The following DKK2 variants were observed in gnomAD, a reference collection of about 807,000 sequenced individuals.
DKK2 encodes the protein dickkopf Wnt signaling pathway inhibitor 2.
DKK2 carries 11 observed loss-of-function variants against 28.1 expected under a neutral mutation model. The observed-to-expected ratio is 0.39, with a 90% CI of 0.25 to 0.65. The LOEUF is 0.65. Ranked by LOEUF, DKK2 falls within the 30% of genes least tolerant of loss-of-function variation. DKK2 has a pLI of 0.47. For missense variants in DKK2, 326 were observed against 335.5 expected (o/e 0.97, Z 0.22); for synonymous variants, 135 against 126.5 (o/e 1.07, Z -0.45).
chr4:106,955,812 C>A (rs867336655), intron 1 of DKK2, among the ~76,000 whole-genome samples: 7 of 152,116 alleles, frequency 4.6e-5, no homozygotes, highest in Admixed American at 6.5e-5. Context: ...TAAGTTATGA[C>A]ATAGTCCAGT....
intron 1 of DKK2, among the ~76,000 whole-genome samples, chr4:106,948,170 CAG>C: frequency 6.6e-6 from 1 of 152,036 alleles, no homozygotes; most frequent in East Asian, 1.9e-4. Flanking sequence ...GAGCTAGAAA[CAG>C]AACCCAGTTT....
chr4:106,963,248 G>A (rs924149352), intron 1 of DKK2, among the ~76,000 whole-genome samples: 13 of 151,796 alleles, frequency 8.6e-5, no homozygotes, highest in Non-Finnish European at 1.5e-5. Context: ...AGCTACTTGG[G>A]AGTCTGAGGC....
intron 1 of DKK2, among the ~76,000 whole-genome samples, chr4:106,939,298 A>G (rs1329388477): frequency 1.3e-5 from 2 of 152,212 alleles, no homozygotes; most frequent in Non-Finnish European, 2.9e-5. Context: ...AAAAATCACA[A>G]GCATTCTTAT....
intron 1 of DKK2, among the ~76,000 whole-genome samples, chr4:106,948,808 A>G (rs912527590): frequency 6.6e-6 from 1 of 152,152 alleles, no homozygotes; most frequent in Admixed American, 6.6e-5. Flanking sequence ...TTCTTTTGGT[A>G]TTATTTGAAG....
chr4:106,938,648 G>A (rs995085679), intron 1 of DKK2, among the ~76,000 whole-genome samples: 1 of 152,064 alleles, frequency 6.6e-6, no homozygotes, highest in Non-Finnish European at 1.5e-5. Flanking sequence ...GCCAGGCAGA[G>A]ACACAACAAA....
At chr4:107,020,170 G>T (rs970770394) in intron 1 of DKK2, among the ~76,000 whole-genome samples, 1 of 152,020 alleles carries the variant, frequency 6.6e-6, no homozygotes, top group African/African-American at 2.4e-5. Context: ...AAAATTCACA[G>T]TACACACTTC....
intron 1 of DKK2, among the ~76,000 whole-genome samples, chr4:106,953,914 C>T (rs535252095): frequency 6.6e-6 from 1 of 152,296 alleles, no homozygotes; most frequent in Admixed American, 6.5e-5. Context: ...AAAAGTCCTG[C>T]TGTGCAATGT....
chr4:106,961,455 T>C (rs570537358), intron 1 of DKK2, among the ~76,000 whole-genome samples: 1 of 152,178 alleles, frequency 6.6e-6, no homozygotes, highest in African/African-American at 2.4e-5. Flanking sequence ...ACCTTGACAT[T>C]TTCATAAGTG....
At chr4:106,983,874 T>C (rs1327882628) in intron 1 of DKK2, among the ~76,000 whole-genome samples, 1 of 152,176 alleles carries the variant, frequency 6.6e-6, no homozygotes, top group Non-Finnish European at 1.5e-5. Flanking sequence ...ACCTTATTAG[T>C]TATTAGGGAA....
Position 107,011,690 on chromosome 4 carries a change from A to AGTGTGT in DKK2, c.222+23674_222+23679dup, listed in dbSNP as rs112855833. 1.6e-3 allele frequency among the ~76,000 whole-genome samples: 228 copies of AGTGTGT among 146,894 alleles called. 1 individual carries two copies. The highest frequency in any genetic ancestry group is 6.9e-3 in the Middle Eastern group (2 of 290). On this transcript the variant is annotated intron_variant, in intron 1 of 3. Transcript: ENST00000285311. ...GGAAATTAGCATATATCTTTGTCTG[A>AGTGTGT]GTGTGTGTGTGTGTGTGTGTGTGGG...
At chr4:106,977,228 C>A (rs1722958701) in intron 1 of DKK2, among the ~76,000 whole-genome samples, 1 of 152,130 alleles carries the variant, frequency 6.6e-6, no homozygotes, top group Non-Finnish European at 1.5e-5. Context: ...TGGGGTTGCT[C>A]TTCTCGAGTA....
intron 1 of DKK2, among the ~76,000 whole-genome samples, chr4:107,018,859 C>T (rs971366474): frequency 6.6e-6 from 1 of 152,052 alleles, no homozygotes; most frequent in African/African-American, 2.4e-5. Context: ...TATAAACTAA[C>T]ACTCTTGCAA....
chr4:107,011,651 T>C (rs1723519185), intron 1 of DKK2, among the ~76,000 whole-genome samples: 1 of 151,364 alleles, frequency 6.6e-6, no homozygotes, highest in African/African-American at 2.4e-5. Flanking sequence ...TGCTTCATCA[T>C]GGACATTCCT....
At chr4:106,966,376 T>C (rs188168241) in intron 1 of DKK2, among the ~76,000 whole-genome samples, 1 of 152,328 alleles carries the variant, frequency 6.6e-6, no homozygotes, top group Admixed American at 6.5e-5. Context: ...TGTAATTCAT[T>C]GATTCTTATA....
chr4:106,924,870 C>A (rs920851227), intron 2 of DKK2, among the ~76,000 whole-genome samples, 170 bp from the exon 3 acceptor site: 1 of 151,958 alleles, frequency 6.6e-6, no homozygotes, highest in African/African-American at 2.4e-5. Context: ...ATACTTTGGC[C>A]CTAAAGTGAA....
intron 1 of DKK2, among the ~76,000 whole-genome samples, chr4:106,938,721 T>C (rs1027925838): frequency 2.0e-5 from 3 of 152,164 alleles, no homozygotes; most frequent in Admixed American, 6.6e-5. Context: ...AACAAAATAC[T>C]GGCAAAACGA....
intron 1 of DKK2, among the ~76,000 whole-genome samples, chr4:106,983,274 G>A (rs1388876035): frequency 2.8e-5 from 4 of 142,506 alleles, no homozygotes; most frequent in African/African-American, 1.1e-4. Context: ...TAATATTACA[G>A]AGAGAAAGAG....
intron 1 of DKK2, among the ~76,000 whole-genome samples, chr4:107,019,783 C>T (rs1723664833): frequency 6.6e-6 from 1 of 151,990 alleles, no homozygotes; most frequent in Non-Finnish European, 1.5e-5. Flanking sequence ...ATATCACTCC[C>T]TCAATACCTT....
chr4:106,941,169 C>T (rs1402303553), intron 1 of DKK2, among the ~76,000 whole-genome samples: 2 of 151,976 alleles, frequency 1.3e-5, no homozygotes, highest in African/African-American at 2.4e-5. Flanking sequence ...AGGTGATTCA[C>T]GGCTCCACCA....
Sources: gnomAD v4.1 joint callset for allele counts (sites outside exome capture counted in the v4.1 genomes callset) on GRCh38, gnomAD v4.1.1 for gene constraint, MANE v1.5 for transcripts, NCBI Gene and HGNC (gene_info 2026-07-23, HGNC 2026-07-21) for gene names.